The following CD109 variants were observed in gnomAD, a reference collection of about 807,000 sequenced individuals.
The protein encoded by CD109 is CD109 molecule.
Under a neutral mutation model 165.8 loss-of-function variants are expected in CD109, and 149 were observed. That is an observed-to-expected ratio of 0.90 (90% confidence interval 0.79 to 1.03). The LOEUF (loss-of-function observed/expected upper bound fraction) is 1.03. CD109 is among the 50% of genes least tolerant of loss of function. The pLI, the probability that CD109 is intolerant of heterozygous loss-of-function variation, is 0.00. For missense variants in CD109, 1,712 were observed against 1,677.8 expected, an observed-to-expected ratio of 1.02 and a Z score of -0.36; for synonymous variants, 585 against 592.1, an observed-to-expected ratio of 0.99 and a Z score of 0.18.
chr6:73,792,792 T>C lies in CD109; in HGVS notation c.2868T>C (p.Phe956=), dbSNP rs201401684. 4 of 1,608,166 alleles carry C rather than the reference T, an allele frequency of 2.5e-6. No homozygotes were observed. In the African/African-American group the frequency reaches 5.4e-5, roughly 22 times the overall value. ...TDNLKEKALS[F]MRQGYQRELL... ...ATTTGAAAGAAAAAGCTCTTTCATT[T>C]ATGAGGCAAGGTAAGCATTTTAGAG... Residue 956 remains phenylalanine, a synonymous_variant, in exon 23 of 33, where the codon TTT becomes TTC. Transcript: ENST00000287097.
At chr6:73,818,274 T>G in intron 30 of CD109, 114 bp from the exon 31 acceptor site, 1 of 1,060,472 alleles carries the variant, frequency 9.4e-7, no homozygotes, top group Non-Finnish European at 1.4e-6. Context: ...TTATTTGAAC[T>G]CAAACAGTGT....
chr6:73,788,861 T>G (rs1028920515), intron 22 of CD109, among the ~76,000 whole-genome samples: 1 of 152,140 alleles, frequency 6.6e-6, no homozygotes, highest in Non-Finnish European at 1.5e-5. Flanking sequence ...GTTTAGTAGG[T>G]CTGGAGTGGG....
chr6:73,751,967 G>A (rs763062547), intron 5 of CD109, among the ~76,000 whole-genome samples: 1 of 152,140 alleles, frequency 6.6e-6, no homozygotes, highest in East Asian at 1.9e-4. Flanking sequence ...ATTGTCTTGG[G>A]GGCTAAACGC....
chr6:73,785,789 C>A (rs1368052249), intron 20 of CD109, among the ~76,000 whole-genome samples: 2 of 151,944 alleles, frequency 1.3e-5, no homozygotes, highest in Non-Finnish European at 2.9e-5. Context: ...CCTGGTTTTC[C>A]CCACATCTAG....
chr6:73,792,889 G>C, intron 23 of CD109, 87 bp downstream of exon 23: 1 of 1,002,378 alleles, frequency 1.0e-6, no homozygotes. Flanking sequence ...TTTCAAAATA[G>C]ATGGATTTTG....
Position 73,788,462 on chromosome 6 carries a change from C to A in CD109, c.2557-6C>A. On this transcript the variant is annotated splice_region_variant and splice_polypyrimidine_tract_variant and intron_variant, in intron 21 of 32. Transcript: ENST00000287097. ...CCATGTTAATTGTGTTCATTTTTTT[C>A]AACAGGCTGAAGGAATAGAAAAATC... 1 of 1,603,082 alleles carries A rather than the reference C, an allele frequency of 6.2e-7. No homozygotes were observed. Among genetic ancestry groups the A allele is most frequent in the South Asian group, 1.1e-5 (1 of 88,976 alleles).
rs187752582 is a variant in CD109 at position 73,805,377 on chromosome 6, G to A, written c.2961-1467G>A. Among the ~76,000 whole-genome samples, 84 of 152,334 alleles carry A rather than the reference G, an allele frequency of 5.5e-4. 1 individual carries two copies. Among genetic ancestry groups the A allele is most frequent in the African/African-American group, 1.9e-3 (81 of 41,576 alleles). Reference sequence around the variant, plus strand: ...AAACATCTCAATGCCTTAAAGAGCAGTATTGCTGCCCGCATGTCCCACCTC... The same window carrying A: ...AAACATCTCAATGCCTTAAAGAGCAATATTGCTGCCCGCATGTCCCACCTC... On this transcript the variant is annotated intron_variant, in intron 24 of 32. Transcript: ENST00000287097.
chr6:73,787,941 CCT>C (rs1385938961), intron 21 of CD109, among the ~76,000 whole-genome samples: 3 of 152,144 alleles, frequency 2.0e-5, no homozygotes, highest in African/African-American at 4.8e-5. Context: ...TTAATCTCCC[CCT>C]CTTTGGATAA....
In CD109 at chr6:73,827,408, CT is replaced by C. The variant is rs1776311273; in HGVS notation, c.*3777del. On this transcript the variant is annotated 3_prime_UTR_variant, in exon 33 of 33. Coordinates refer to ENST00000287097, the MANE Select transcript of CD109 (RefSeq NM_133493.5). ...GTGTATTCCTCACTTTTTTTTTTGT[CT>C]TCAAATTCCAGTAAGGCATAGCACT... 1 of 150,564 alleles carries C rather than the reference CT, an allele frequency of 6.6e-6. No individual in the cohort carries two copies. The highest frequency in any genetic ancestry group is 1.9e-4 in the East Asian group (1 of 5,174). 9.3% of individuals were successfully genotyped at this position (150,564 alleles called of 1,614,324 possible).
Position 73,788,542 on chromosome 6 carries a change from G to T in CD109, c.2631G>T (p.Leu877=), listed in dbSNP as rs770361644. Residue 877 remains leucine, a synonymous_variant, in exon 22 of 33, where the codon CTG becomes CTT. Coordinates refer to ENST00000287097, the MANE Select transcript of CD109 (RefSeq NM_133493.5). ...CTGACAATAGGCTACAGAGTACCCT[G>T]AAAACTTTGAGTTTCTCATTTCCTC... ...DLTDNRLQST[L]KTLSFSFPPN... 46 of 1,613,116 alleles carry T rather than the reference G, an allele frequency of 2.9e-5. No homozygotes were observed. The highest frequency in any genetic ancestry group is 3.9e-5 in the Non-Finnish European group (46 of 1,179,582).
chr6:73,721,054 T>C (rs1053778108), intron 2 of CD109, among the ~76,000 whole-genome samples: 3 of 152,252 alleles, frequency 2.0e-5, no homozygotes, highest in Non-Finnish European at 4.4e-5. Context: ...CCCTCCAATG[T>C]GCTCCTTGTC....
intron 3 of CD109, among the ~76,000 whole-genome samples, chr6:73,729,640 A>C (rs1772282224): frequency 6.6e-6 from 1 of 151,862 alleles, no homozygotes. Context: ...AGCCTCCCGG[A>C]GTAGCTGGGA....
At chr6:73,807,629 G>A (rs4708090) in intron 25 of CD109, among the ~76,000 whole-genome samples, 37,007 of 152,010 alleles carry the variant, frequency 0.24, 4,774 homozygotes, top group East Asian at 0.4. Flanking sequence ...CTTACTGCCT[G>A]CTGCATTTTA....
chr6:73,725,534 GT>G (rs751657342), intron 3 of CD109, among the ~76,000 whole-genome samples: 64 of 93,150 alleles, frequency 6.9e-4, no homozygotes, highest in Admixed American at 2.6e-3. Flanking sequence ...TTGAGACAGA[GT>G]TTCTCTCTTG....
At position 73,711,665 on chromosome 6, in the gene CD109, C is replaced by G. The variant is rs1310288083; in HGVS notation, c.248-11586C>G. On this transcript the variant is annotated intron_variant, in intron 2 of 32. Transcript: ENST00000287097. ...TCTCCTGCCTCAGCCTCCCAAGTAG[C>G]TGGGACTACAGGCGCCCGCCACTAC... 1.5e-4 allele frequency among the ~76,000 whole-genome samples: 5 copies of G among 34,458 alleles called. 2 individuals carry two copies. Among genetic ancestry groups the G allele is most frequent in the African/African-American group, 3.1e-4 (5 of 16,128 alleles). 22.6% of individuals were successfully genotyped at this position (34,458 alleles called of 152,430 possible). A position where few individuals can be genotyped will look rare whatever the true frequency, so the allele number is the denominator to read the frequency against.
the CD109 span, among the ~76,000 whole-genome samples, chr6:73,683,867 A>G: frequency 6.6e-6 from 1 of 152,008 alleles, no homozygotes; most frequent in East Asian, 1.9e-4. Flanking sequence ...AGATTTATTC[A>G]CTATCATTAG....
chr6:73,737,610 A>G (rs903481258), intron 5 of CD109, among the ~76,000 whole-genome samples: 7 of 152,220 alleles, frequency 4.6e-5, no homozygotes. Flanking sequence ...CTTACTTATA[A>G]CAGTGTAATA....
chr6:73,711,533 A>ATTTTTTTTTTTT lies in CD109; in HGVS notation c.248-11718_248-11717insTTTTTTTTTTTT, dbSNP rs1771537688. Among the ~76,000 whole-genome samples, 4 of 21,620 alleles carry ATTTTTTTTTTTT rather than the reference A, an allele frequency of 1.9e-4. No individual in the cohort carries two copies. The South Asian group carries it at 4.1e-3, about 22-fold the overall frequency. 14.2% of individuals were successfully genotyped at this position (21,620 alleles called of 152,430 possible). ...ATTGTATTTTTAAAATCGTACTTTAAGTTTTTTTTTTTTTTTTTGAGACGG... is the reference window on the plus strand; with the variant it reads ...ATTGTATTTTTAAAATCGTACTTTAATTTTTTTTTTTTGTTTTTTTTTTTTTTTTTGAGACGG... On this transcript the variant is annotated intron_variant, in intron 2 of 32. Transcript: ENST00000287097.
In CD109 at chr6:73,781,302, AT is replaced by A. The variant is rs759229837; in HGVS notation, c.1948del (p.Tyr650IlefsTer24). 6 of 1,612,892 alleles carry A rather than the reference AT, an allele frequency of 3.7e-6. No homozygotes were observed. In the East Asian group the frequency reaches 1.3e-4, roughly 36 times the overall value. On this transcript the variant is annotated frameshift_variant, in exon 17 of 33. Transcript: ENST00000287097. LOFTEE classifies it high-confidence loss of function. ...WVLTDANLTK[D>X]YIDGVYDNAE... ...TTGACAGATGCAAACCTCACGAAGG[AT>A]TATATTGATGGTGTTTGTAAGTAAT...
Sources: gnomAD v4.1 joint callset for allele counts (sites outside exome capture counted in the v4.1 genomes callset) on GRCh38, gnomAD v4.1.1 for gene constraint, MANE v1.5 for transcripts, NCBI Gene and HGNC (gene_info 2026-07-23, HGNC 2026-07-21) for gene names.